OSBPL9: variants seen among roughly 807,000 people sequenced by gnomAD.
OSBPL9 encodes the protein oxysterol binding protein like 9, also known as oxysterol-binding protein-related protein 9.
In OSBPL9, 40 loss-of-function variants were observed where a neutral mutation model predicts 106.6. The observed-to-expected ratio is 0.38, with a 90% CI of 0.29 to 0.49. The LOEUF is 0.49. Among genes scored for constraint, OSBPL9 ranks in the 20% least tolerant of loss-of-function variants. The probability of loss-of-function intolerance (pLI) is 0.97; values close to 1 mark genes in which losing one functional copy is unlikely to be tolerated. For missense variants in OSBPL9, 609 were observed against 887.2 expected (o/e 0.69, Z 3.98); for synonymous variants, 269 against 295.4 (o/e 0.91, Z 0.92).
At chr1:51,708,447 T>A (rs972429885) in intron 3 of OSBPL9, among the ~76,000 whole-genome samples, 1 of 152,166 alleles carries the variant, frequency 6.6e-6, no homozygotes, top group African/African-American at 2.4e-5. Context: ...TTCAGCATTC[T>A]GTATATGTTC....
upstream of OSBPL9, among the ~76,000 whole-genome samples, chr1:51,572,598 C>T (rs1645157194): frequency 6.6e-6 from 1 of 152,058 alleles, no homozygotes; most frequent in South Asian, 2.1e-4. Flanking sequence ...CAGCATAGTC[C>T]AGCAGTAATG....
intron 4 of OSBPL9, among the ~76,000 whole-genome samples, chr1:51,735,883 C>A (rs1665573948): frequency 6.6e-6 from 1 of 152,170 alleles, no homozygotes; most frequent in African/African-American, 2.4e-5. Flanking sequence ...TAGTTAGTTT[C>A]TCTTTCTTCT....
At chr1:51,671,162 G>GC (rs1384798498) in intron 3 of OSBPL9, among the ~76,000 whole-genome samples, 2 of 152,174 alleles carry the variant, frequency 1.3e-5, no homozygotes, top group African/African-American at 4.8e-5. Flanking sequence ...TTCTATTGTA[G>GC]TAGTTATGGG....
At chr1:51,758,901 G>A (rs1467467691) in intron 9 of OSBPL9, among the ~76,000 whole-genome samples, 3 of 152,066 alleles carry the variant, frequency 2.0e-5, no homozygotes, top group Admixed American at 6.6e-5. Flanking sequence ...AGTTATTATG[G>A]CTTGGTCTAG....
chr1:51,604,079 C>T (rs1436085521), intron 2 of OSBPL9, among the ~76,000 whole-genome samples: 1 of 152,102 alleles, frequency 6.6e-6, no homozygotes, highest in Non-Finnish European at 1.5e-5. Flanking sequence ...CAAGCATGTT[C>T]CCTGGTCAGA....
chr1:51,683,551 G>A (rs1223418894), intron 3 of OSBPL9, among the ~76,000 whole-genome samples: 1 of 151,956 alleles, frequency 6.6e-6, no homozygotes, highest in Non-Finnish European at 1.5e-5. Flanking sequence ...CCAGTACCTT[G>A]GGAAGCTGAG....
chr1:51,528,652 G>A, the OSBPL9 span, among the ~76,000 whole-genome samples: 6 of 151,976 alleles, frequency 3.9e-5, no homozygotes, highest in African/African-American at 7.3e-5. Context: ...TGGGTTGATC[G>A]CTTGAGGTCA....
intron 12 of OSBPL9, among the ~76,000 whole-genome samples, chr1:51,768,466 G>A (rs1026778639): frequency 1.3e-5 from 2 of 152,126 alleles, no homozygotes; most frequent in Non-Finnish European, 2.9e-5. Flanking sequence ...CGCCTGCCTC[G>A]GCCTCCCAAA....
intron 1 of OSBPL9, among the ~76,000 whole-genome samples, chr1:51,636,084 G>A (rs912292525): frequency 1.4e-5 from 2 of 143,868 alleles, no homozygotes; most frequent in African/African-American, 5.1e-5. Flanking sequence ...GTATGTATAT[G>A]TGTGTGTGTG....
Position 51,610,242 on chromosome 1 carries a change from TA to T in OSBPL9, c.-352-4062del, listed in dbSNP as rs200773229. ...AAAGAAACTCTCAAAAAGGAACTGA[TA>T]TTTGTTGTTGTTGTTGTTGTTGTTG... On this transcript the variant is annotated intron_variant, in intron 2 of 25. Coordinates refer to the OSBPL9 transcript ENST00000371714. Among the ~76,000 whole-genome samples, 662 of 150,540 alleles carry T rather than the reference TA, an allele frequency of 4.4e-3. 3 individuals are homozygous for T. Among genetic ancestry groups the T allele is most frequent in the Middle Eastern group, 0.01 (3 of 292 alleles).
chr1:51,669,610 T>C (rs766231354), intron 3 of OSBPL9, 98 bp downstream of exon 3: 1 of 1,116,660 alleles, frequency 9.0e-7, no homozygotes. Context: ...GTTTTGCAAC[T>C]GATCCTGCAT....
chr1:51,691,656 A>C (rs1337756487), intron 3 of OSBPL9, among the ~76,000 whole-genome samples: 1 of 152,072 alleles, frequency 6.6e-6, no homozygotes, highest in Non-Finnish European at 1.5e-5. Flanking sequence ...CTTTTGTAAT[A>C]ATACTTAGCT....
At chr1:51,533,357 A>G in the OSBPL9 span, among the ~76,000 whole-genome samples, 1 of 151,778 alleles carries the variant, frequency 6.6e-6, no homozygotes, top group African/African-American at 2.4e-5. Context: ...GTGGTGGTGC[A>G]TGCCTGTAGT....
intron 3 of OSBPL9, among the ~76,000 whole-genome samples, chr1:51,713,282 T>C (rs1660447683): frequency 6.6e-6 from 1 of 152,118 alleles, no homozygotes. Flanking sequence ...CCTGAGTTAC[T>C]GGGATTACAG....
At chr1:51,557,835 A>G in the OSBPL9 span, among the ~76,000 whole-genome samples, 4 of 152,298 alleles carry the variant, frequency 2.6e-5, no homozygotes, top group East Asian at 5.8e-4. Flanking sequence ...TATTGAAACC[A>G]CCTTTGCAAA....
At chr1:51,653,842 A>T (rs1395766411) in intron 2 of OSBPL9, among the ~76,000 whole-genome samples, 1 of 152,116 alleles carries the variant, frequency 6.6e-6, no homozygotes, top group Non-Finnish European at 1.5e-5. Flanking sequence ...CTCTACAAAA[A>T]ATTTAAAAAA....
At chr1:51,683,130 C>T (rs556803491) in intron 3 of OSBPL9, among the ~76,000 whole-genome samples, 1 of 152,136 alleles carries the variant, frequency 6.6e-6, no homozygotes, top group Admixed American at 6.5e-5. Flanking sequence ...CCGCCTCTGC[C>T]TCCCAAAGTG....
chr1:51,732,134 C>A (rs1198297362), intron 4 of OSBPL9, among the ~76,000 whole-genome samples: 1 of 152,212 alleles, frequency 6.6e-6, no homozygotes, highest in African/African-American at 2.4e-5. Flanking sequence ...AAGTTTGGTT[C>A]AGCCAGGAAA....
intron 1 of OSBPL9, among the ~76,000 whole-genome samples, chr1:51,620,917 C>T (rs188457177): frequency 5.1e-4 from 77 of 152,078 alleles, no homozygotes; most frequent in Non-Finnish European, 1.0e-3. Flanking sequence ...TTGGTAGAGA[C>T]GGGGTTTCAC....
Sources: gnomAD v4.1 joint callset for allele counts (sites outside exome capture counted in the v4.1 genomes callset) on GRCh38, gnomAD v4.1.1 for gene constraint, MANE v1.5 for transcripts, NCBI Gene and HGNC (gene_info 2026-07-23, HGNC 2026-07-21) for gene names.